Variants in PPRC1 observed in about 807,000 individuals in gnomAD.
PPRC1 encodes PPARG related coactivator 1.
A neutral mutation model predicts 132.5 loss-of-function variants in PPRC1; 23 were observed. The observed-to-expected ratio is 0.17, with a 90% CI of 0.12 to 0.25. The LOEUF (loss-of-function observed/expected upper bound fraction) is 0.25. PPRC1 is among the 10% of genes least tolerant of loss of function. The pLI is 1.00. For missense variants in PPRC1, 2,006 were observed against 2,089.1 expected (o/e 0.96, Z 0.78); for synonymous variants, 872 against 833.5 (o/e 1.05, Z -0.80).
chr10:102,133,346 G>A, intron 1 of PPRC1, 125 bp downstream of exon 1: 1 of 868,402 alleles, frequency 1.2e-6, no homozygotes, highest in Non-Finnish European at 1.5e-6. Context: ...CGGGAGCCGG[G>A]CCGGAGCAAG....
rs1407019266 is a variant in PPRC1, at chr10:102,148,928, C to T, written c.4729C>T (p.Arg1577Cys). ...GATTGAGGAGTGCACCATCCACTTC[C>T]GTGTCCAAGGGTAAGCTTGGGCCCC... ...GEIEECTIHF[R>C]VQGDNYGFVT... Residue 1577 changes from arginine (R) to cysteine (C), a missense_variant, in exon 12 of 14, where the codon CGT becomes TGT. Arg to Cys is a radical substitution (Grantham distance 180). Coordinates refer to ENST00000278070, the MANE Select transcript of PPRC1 (RefSeq NM_015062.5). This position sits in a 1 kb window ranked among gnomAD's most constrained non-coding sequence, Gnocchi z 4.2. 6.2e-7 allele frequency: 1 copy of T among 1,614,126 alleles called. No individual in the cohort carries two copies. The highest frequency in any genetic ancestry group is 8.5e-7 in the Non-Finnish European group (1 of 1,180,016).
chr10:102,141,733 A>G lies in PPRC1; in HGVS notation c.3225A>G (p.Gln1075=), dbSNP rs754697342. ...AACACAAGGTGTCTGCCCTGGTGCA[A>G]AGTCCCCAGATGAAGGCTCTAGCAT... ...HPKHKVSALV[Q]SPQMKALACV... is the part of the protein sequence containing the mutation. The change falls in exon 5 of 14, where the codon CAA becomes CAG. Residue 1075 remains glutamine, a synonymous_variant. Coordinates refer to ENST00000278070, the MANE Select transcript of PPRC1 (RefSeq NM_015062.5). The G allele has an allele frequency of 5.6e-6, 9 of 1,613,856 alleles. No homozygotes were observed. Among genetic ancestry groups the G allele is most frequent in the Admixed American group, 1.7e-5 (1 of 59,962 alleles).
chr10:102,145,870 A>C (rs932327326), intron 8 of PPRC1, among the ~76,000 whole-genome samples: 3 of 151,932 alleles, frequency 2.0e-5, no homozygotes, highest in African/African-American at 7.2e-5. Flanking sequence ...GTCTTTAAAA[A>C]AAACAAACAA....
Position 102,141,053 on chromosome 10 carries a change from T to TC in PPRC1, c.2548dup (p.Gln850ProfsTer52). 6.2e-7 allele frequency: 1 copy of TC among 1,614,142 alleles called. No homozygotes were observed. Among genetic ancestry groups the TC allele is most frequent in the Non-Finnish European group, 8.5e-7 (1 of 1,180,018 alleles). On this transcript the variant is annotated frameshift_variant, in exon 5 of 14. Coordinates refer to ENST00000278070, the MANE Select transcript of PPRC1 (RefSeq NM_015062.5). LOFTEE classifies it high-confidence loss of function. ...CTCATCTCCCACTGAGCAGGTGCCATCCCAGGAGATGCCACTGTTGGCGAG... is the reference window on the plus strand; with the variant it reads ...CTCATCTCCCACTGAGCAGGTGCCATCCCCAGGAGATGCCACTGTTGGCGAG...
the PPRC1 span, among the ~76,000 whole-genome samples, chr10:102,127,020 C>T: frequency 0.031 from 2,710 of 87,028 alleles, 138 homozygotes; most frequent in African/African-American, 0.14. Flanking sequence ...GGTTTTTTAT[C>T]ATATATATAT....
chr10:102,133,473 T>A (rs886671718), intron 1 of PPRC1, among the ~76,000 whole-genome samples: 14 of 149,870 alleles, frequency 9.3e-5, no homozygotes, highest in Non-Finnish European at 1.8e-4. Context: ...CGGCTGGGGG[T>A]CAGGGGTTCG....
chr10:102,120,027 G>T, the PPRC1 span: 1 of 1,318,628 alleles, frequency 7.6e-7, no homozygotes, highest in Non-Finnish European at 1.0e-6. Context: ...AACACGGGGT[G>T]AGGGGTCCGC....
At position 102,147,131 on chromosome 10, in the gene PPRC1, C is replaced by T. The variant is rs748231003; in HGVS notation, c.4139C>T (p.Ala1380Val). The T allele has an allele frequency of 6.2e-7, 1 of 1,614,192 alleles. No individual in the cohort carries two copies. The highest frequency in any genetic ancestry group is 1.1e-5 in the South Asian group (1 of 91,080). ...CCATCCAGCTTGCTGTCCCCTGAGG[C>T]CTCACCCTGCCGGAATGACATGAAC... is the stretch of plus-strand genomic sequence containing the variant. Reference protein sequence around the residue: ...LAPSSLLSPEASPCRNDMNTR... With the variant: ...LAPSSLLSPEVSPCRNDMNTR... The change falls in exon 9 of 14, where the codon GCC becomes GTC. Residue 1380 changes from alanine to valine, a missense_variant. This residue lies in a region of PPRC1 where 1,914 missense variants were observed against 1,917.2 expected (regional missense o/e 1.00). Coordinates refer to ENST00000278070, the MANE Select transcript of PPRC1 (RefSeq NM_015062.5).
the PPRC1 span, among the ~76,000 whole-genome samples, chr10:102,127,443 G>A: frequency 3.6e-4 from 55 of 152,200 alleles, no homozygotes; most frequent in African/African-American, 1.2e-3. Flanking sequence ...GTGCAGTGGC[G>A]CAATCTCAGC....
the PPRC1 span, among the ~76,000 whole-genome samples, chr10:102,121,102 G>C: frequency 6.6e-6 from 1 of 152,118 alleles, no homozygotes; most frequent in East Asian, 1.9e-4. Flanking sequence ...TGGGGTCCCC[G>C]CCCTCCTCCG....
At position 102,147,089 on chromosome 10, in the gene PPRC1, C is replaced by T. The variant is rs985345245; in HGVS notation, c.4097C>T (p.Ser1366Leu). ...ACTAGCAGTGAGCAGGCAGATCCCT[C>T]AGCACCCTGCCTTGCCCCATCCAGC... ...HRTSSEQADP[S>L]APCLAPSSLL... The change falls in exon 9 of 14, where the codon TCA becomes TTA. Residue 1366 changes from serine to leucine, a missense_variant. Physicochemically the swap from Ser to Leu is moderately radical, Grantham distance 145. Transcript: ENST00000278070. 6.2e-7 allele frequency: 1 copy of T among 1,614,080 alleles called. No individual in the cohort carries two copies. Among genetic ancestry groups the T allele is most frequent in the African/African-American group, 1.3e-5 (1 of 74,934 alleles).
At chr10:102,125,520 A>C in the PPRC1 span, among the ~76,000 whole-genome samples, 1 of 151,674 alleles carries the variant, frequency 6.6e-6, no homozygotes, top group Non-Finnish European at 1.5e-5. Flanking sequence ...AGCCTCCCAA[A>C]GTGCTGGGAT....
At chr10:102,146,316 G>A (rs947340263) in intron 8 of PPRC1, among the ~76,000 whole-genome samples, 1 of 152,122 alleles carries the variant, frequency 6.6e-6, no homozygotes, top group Non-Finnish European at 1.5e-5. Context: ...GTGGGGAGAC[G>A]ATAGATGATG....
At position 102,141,867 on chromosome 10, in the gene PPRC1, C is replaced by T. The variant is rs1344491238; in HGVS notation, c.3359C>T (p.Ala1120Val). 6.2e-7 allele frequency: 1 copy of T among 1,614,174 alleles called. No homozygotes were observed. The highest frequency in any genetic ancestry group is 1.1e-5 in the South Asian group (1 of 91,078). The change falls in exon 5 of 14, where the codon GCT becomes GTT. Residue 1120 changes from alanine (A) to valine (V), a missense_variant. By Grantham distance (64) the Ala-to-Val change is moderately conservative. Coordinates refer to ENST00000278070, the MANE Select transcript of PPRC1 (RefSeq NM_015062.5). The part of the protein sequence containing the change: ...REKPPLPATK[A>V]VPTPRQSTVP... ...AAGCCCCCCTTGCCTGCTACCAAGG[C>T]TGTTCCCACACCAAGGCAGAGCACT...
intron 7 of PPRC1, chr10:102,144,599 A>T (rs1166043748): frequency 3.9e-6 from 2 of 508,086 alleles, no homozygotes; most frequent in East Asian, 7.1e-5. Flanking sequence ...TCTTTCTTTC[A>T]TTTAATAACA....
In PPRC1 at chr10:102,150,051, C is replaced by A. The variant is rs1209052086; in HGVS notation, c.*22C>A. 3 of 1,572,560 alleles carry A rather than the reference C, an allele frequency of 1.9e-6. No individual in the cohort carries two copies. The highest frequency in any genetic ancestry group is 1.4e-5 in the African/African-American group (1 of 73,948). ...GTAACCTTGGGCCCTTCCCTGCTAT[C>A]CTTTTTCTCCTTTGGAGGTGCCCAA... On this transcript the variant is annotated 3_prime_UTR_variant, in exon 14 of 14. Coordinates refer to ENST00000278070, the MANE Select transcript of PPRC1 (RefSeq NM_015062.5).
At chr10:102,127,044 TATATA>T in the PPRC1 span, among the ~76,000 whole-genome samples, 1 of 56,228 alleles carries the variant, frequency 1.8e-5, no homozygotes, top group Admixed American at 2.3e-4. Flanking sequence ...TATATATATA[TATATA>T]TATATATATA....
In PPRC1 at chr10:102,137,931, G is replaced by A; in HGVS notation, c.235G>A (p.Glu79Lys). 6.8e-6 allele frequency: 11 copies of A among 1,614,184 alleles called. No individual in the cohort carries two copies. Among genetic ancestry groups the A allele is most frequent in the Non-Finnish European group, 9.3e-6 (11 of 1,180,028 alleles). Residue 79 changes from glutamate (E) to lysine (K), a missense_variant, in exon 2 of 14, where the codon GAA (glutamate) becomes AAA (lysine). Physicochemically the swap from Glu to Lys is moderately conservative, Grantham distance 56. Transcript: ENST00000278070. ...CCCATCTCTGAGGGACAAGGACCTG[G>A]AAATGGAGGAGCTAATGCTGCAGGA... ...LGPSLRDKDL[E>K]MEELMLQDET...
chr10:102,134,407 G>A (rs2068646009), intron 1 of PPRC1, among the ~76,000 whole-genome samples: 2 of 152,150 alleles, frequency 1.3e-5, no homozygotes, highest in African/African-American at 4.8e-5. Flanking sequence ...CCTTCAAAAA[G>A]TGTTATTGTT....
Sources: allele counts gnomAD v4.1 joint callset (sites outside exome capture counted in the v4.1 genomes callset), GRCh38; gene constraint gnomAD v4.1.1; regional missense constraint gnomAD v4.1.1; non-coding constraint Gnocchi (gnomAD v3.1); transcripts MANE v1.5; gene names NCBI Gene and HGNC (gene_info 2026-07-23, HGNC 2026-07-21).